The following CNR1 variants were observed in gnomAD, a reference collection of about 807,000 sequenced individuals.
CNR1 encodes cannabinoid receptor 1 (brain).
In CNR1, 10 loss-of-function variants were observed where a neutral mutation model predicts 23.0. The ratio of observed to expected loss-of-function variants is 0.43; its 90% CI spans 0.27 to 0.74. CNR1 has a LOEUF of 0.74. CNR1 is among the 30% of genes least tolerant of loss of function. CNR1 has a pLI of 0.19. For synonymous variants in CNR1, 271 were observed against 255.2 expected, an observed-to-expected ratio of 1.06 and a Z score of -0.59; for missense variants, 422 against 618.8, an observed-to-expected ratio of 0.68 and a Z score of 3.37.
chr6:88,156,842 C>T lies in CNR1; in HGVS notation c.-64+8961G>A, dbSNP rs1400658926. Among the ~76,000 whole-genome samples the T allele has an allele frequency of 3.3e-5, 5 of 152,226 alleles. No individual in the cohort carries two copies. In the East Asian group the frequency reaches 7.7e-4, roughly 23 times the overall value. ...ACAGTTTTTTCTGGCATAAAGCCAG[C>T]TGATCATGAGGGCATTAAACCTGAA... On this transcript the variant is annotated intron_variant, in intron 1 of 1. Coordinates refer to ENST00000369501, the MANE Select transcript of CNR1 (RefSeq NM_016083.6).
In CNR1 at chr6:88,158,267, T is replaced by C. The variant is rs78307716; in HGVS notation, c.-64+7536A>G. 4.0e-3 allele frequency among the ~76,000 whole-genome samples: 612 copies of C among 152,350 alleles called. 23 individuals carry two copies. In the East Asian group the frequency reaches 0.09, roughly 22 times the overall value. The stretch of plus-strand genomic sequence containing the variant: ...CCATTGAAACCATGAGGCTGTTCTA[T>C]TGTATTCATTCCGGATCGAGCCCTT... On this transcript the variant is annotated intron_variant, in intron 1 of 1. Coordinates refer to ENST00000369501, the MANE Select transcript of CNR1 (RefSeq NM_016083.6).
At chr6:88,159,033 T>A in intron 1 of CNR1, among the ~76,000 whole-genome samples, 1 of 152,206 alleles carries the variant, frequency 6.6e-6, no homozygotes, top group African/African-American at 2.4e-5. Flanking sequence ...ATGTAATGTG[T>A]ACTGATATAA....
At chr6:88,157,013 A>C (rs1777837449) in intron 1 of CNR1, among the ~76,000 whole-genome samples, 1 of 152,228 alleles carries the variant, frequency 6.6e-6, no homozygotes, top group Admixed American at 6.5e-5. Flanking sequence ...GGCACAGATC[A>C]GGTATTTACT....
intron 1 of CNR1, among the ~76,000 whole-genome samples, chr6:88,153,840 T>C (rs1294570173): frequency 6.6e-6 from 1 of 152,246 alleles, no homozygotes. Context: ...GCCAACATCA[T>C]AACTTGATGA....
upstream of CNR1, chr6:88,166,441 C>T (rs1778374272): frequency 6.6e-6 from 1 of 152,388 alleles, no homozygotes; most frequent in Non-Finnish European, 1.5e-5. Flanking sequence ...CGGCACAGAC[C>T]CCGCCGAGGG....
rs1273250476 is a variant in CNR1, at chr6:88,143,878, T to A, written c.1397A>T (p.Asp466Val). Residue 466 changes from aspartate to valine, a missense_variant, in exon 2 of 2, where the codon GAC (aspartate) becomes GTC (valine). Asp to Val is a radical substitution (Grantham distance 152, BLOSUM62 -3). This residue lies in a region of CNR1 where 79 missense variants were observed against 98.0 expected (regional missense o/e 0.81). Transcript: ENST00000369501. ...IAKVTMSVST[D>V]TSAEAL ...GGCTCACAGAGCCTCGGCAGACGTG[T>A]CTGTGGACACAGACATGGTTACCTT... The A allele has an allele frequency of 1.2e-6, 2 of 1,613,790 alleles. No homozygotes were observed. Among genetic ancestry groups the A allele is most frequent in the African/African-American group, 2.7e-5 (2 of 74,888 alleles).
At chr6:88,152,214 CAAAAAAA>C (rs56141409) in intron 1 of CNR1, among the ~76,000 whole-genome samples, 2 of 81,592 alleles carry the variant, frequency 2.5e-5, no homozygotes, top group Non-Finnish European at 2.8e-5. Context: ...GACTCCGTCT[CAAAAAAA>C]AAAAAAAAAA....
intron 1 of CNR1, among the ~76,000 whole-genome samples, chr6:88,150,767 A>C (rs1299820499): frequency 1.3e-5 from 2 of 152,236 alleles, no homozygotes; most frequent in African/African-American, 4.8e-5. Context: ...GGACCATGTA[A>C]GGAACAGCTC....
At chr6:88,147,308 G>GA (rs1221322024) in intron 1 of CNR1, among the ~76,000 whole-genome samples, 2 of 152,002 alleles carry the variant, frequency 1.3e-5, no homozygotes, top group African/African-American at 2.4e-5. Flanking sequence ...AACATTCTGT[G>GA]AAAAAAAGAG....
intron 1 of CNR1, among the ~76,000 whole-genome samples, chr6:88,158,210 T>G (rs981521224): frequency 1.3e-5 from 2 of 152,212 alleles, no homozygotes; most frequent in South Asian, 4.1e-4. Flanking sequence ...GAAGTATGTA[T>G]GCAAATTGGA....
upstream of CNR1, among the ~76,000 whole-genome samples, chr6:88,167,036 T>C (rs1398295529): frequency 6.6e-6 from 1 of 151,676 alleles, no homozygotes; most frequent in African/African-American, 2.4e-5. Context: ...AGGCGCCTTC[T>C]CCAGCGCCCG....
At chr6:88,147,095 A>T (rs1209675757) in intron 1 of CNR1, among the ~76,000 whole-genome samples, 1 of 152,176 alleles carries the variant, frequency 6.6e-6, no homozygotes, top group African/African-American at 2.4e-5. Context: ...GACTGAGACC[A>T]TCCTGGCCAA....
rs1487621233 is a variant in CNR1 at position 88,139,914 on chromosome 6, T to C, written c.*3942A>G. On this transcript the variant is annotated 3_prime_UTR_variant, in exon 2 of 2. Coordinates refer to ENST00000369501, the MANE Select transcript of CNR1 (RefSeq NM_016083.6). ...AATTTTTATTTGATTCCAGGTAACT[T>C]TGGACAATAGACATGATGAGATGTT... 3.9e-5 allele frequency: 6 copies of C among 152,352 alleles called. No individual in the cohort carries two copies. The East Asian group carries it at 9.4e-4, about 24-fold the overall frequency. 9.4% of individuals were successfully genotyped at this position (152,352 alleles called of 1,614,324 possible).
intron 1 of CNR1, chr6:88,163,151 A>G (rs1778193775): frequency 2.0e-5 from 3 of 152,232 alleles, no homozygotes; most frequent in Admixed American, 2.0e-4. Flanking sequence ...GATTAACTTT[A>G]TAACATAGAT....
At position 88,163,753 on chromosome 6, in the gene CNR1, A is replaced by G. The variant is rs183929298; in HGVS notation, c.-64+2050T>C. Reference sequence around the variant, plus strand: ...ACAAATACAGTGGTTCTTTTTGAGAATTTCATTCCCAGCAGTTTCATCTTG... The same window carrying G: ...ACAAATACAGTGGTTCTTTTTGAGAGTTTCATTCCCAGCAGTTTCATCTTG... On this transcript the variant is annotated intron_variant, in intron 1 of 1. Transcript: ENST00000369501. 2.8e-3 allele frequency among the ~76,000 whole-genome samples: 419 copies of G among 152,322 alleles called. 2 individuals carry two copies. Among genetic ancestry groups the G allele is most frequent in the Middle Eastern group, 0.02 (6 of 294 alleles).
Position 88,154,223 on chromosome 6 carries a change from A to G in CNR1, c.-63-8886T>C, listed in dbSNP as rs139753446. ...TTATGTTTTTCATAAAAATATATCA[A>G]TTGATATGAACTTAGGACATTGACT... On this transcript the variant is annotated intron_variant, in intron 1 of 1. Transcript: ENST00000369501. Among the ~76,000 whole-genome samples the G allele has an allele frequency of 2.9e-3, 442 of 152,328 alleles. 1 individual carries two copies. Among genetic ancestry groups the G allele is most frequent in the African/African-American group, 0.01 (417 of 41,572 alleles).
At position 88,144,144 on chromosome 6, in the gene CNR1, C is replaced by T. The variant is rs202070651; in HGVS notation, c.1131G>A (p.Thr377=). The part of the protein sequence containing the change: ...VFGKMNKLIK[T]VFAFCSMLCL... Reference sequence around the variant, plus strand: ...AGAGCATACTGCAGAATGCAAACACCGTCTTAATGAGCTTGTTCATCTTCC... The same window carrying T: ...AGAGCATACTGCAGAATGCAAACACTGTCTTAATGAGCTTGTTCATCTTCC... Residue 377 remains threonine, a synonymous_variant, in exon 2 of 2, where the codon ACG becomes ACA. Coordinates refer to ENST00000369501, the MANE Select transcript of CNR1 (RefSeq NM_016083.6). This position sits in a 1 kb window ranked among gnomAD's most constrained non-coding sequence, Gnocchi z 7.8. 3.0e-5 allele frequency: 49 copies of T among 1,613,892 alleles called. No homozygotes were observed. The highest frequency in any genetic ancestry group is 2.9e-4 in the African/African-American group (22 of 74,960).
intron 1 of CNR1, among the ~76,000 whole-genome samples, chr6:88,146,510 G>T (rs1345885014): frequency 6.6e-6 from 1 of 152,192 alleles, no homozygotes. Context: ...AGACAGGCTG[G>T]AGAGTGTCCA....
At chr6:88,167,342 C>T (rs1050930295), upstream of CNR1, among the ~76,000 whole-genome samples, 1 of 152,222 alleles carries the variant, frequency 6.6e-6, no homozygotes, top group African/African-American at 2.4e-5. Flanking sequence ...CACTATCAGC[C>T]GCCGTCTGCC....
Sources: gnomAD v4.1 joint callset for allele counts (sites outside exome capture counted in the v4.1 genomes callset) on GRCh38, gnomAD v4.1.1 for gene constraint, gnomAD v4.1.1 regional missense constraint, Gnocchi (gnomAD v3.1) non-coding constraint, MANE v1.5 for transcripts, NCBI Gene and HGNC (gene_info 2026-07-23, HGNC 2026-07-21) for gene names.